Variants in CPEB3 observed in about 807,000 individuals in gnomAD.
CPEB3 encodes cytoplasmic polyadenylation element binding protein 3, also known as cytoplasmic polyadenylation element-binding protein 3.
Under a neutral mutation model 67.2 loss-of-function variants are expected in CPEB3, and 20 were observed. That is an observed-to-expected ratio of 0.30 (90% CI 0.21 to 0.43). CPEB3 has a LOEUF of 0.43. CPEB3 is among the 20% of genes least tolerant of loss of function. The pLI, the probability that CPEB3 is intolerant of heterozygous loss-of-function variation, is 1.00. For synonymous variants in CPEB3, 376 were observed against 393.1 expected (o/e 0.96, Z 0.51); for missense variants, 746 against 968.6 (o/e 0.77, Z 3.05).
chr10:92,053,489 G>A (rs529086442), intron 9 of CPEB3, among the ~76,000 whole-genome samples: 14 of 150,286 alleles, frequency 9.3e-5, no homozygotes, highest in East Asian at 3.9e-4. Flanking sequence ...TCAGCCTCGC[G>A]AGTAGCTGGG....
intron 9 of CPEB3, among the ~76,000 whole-genome samples, chr10:92,077,045 T>G (rs1438923114): frequency 6.6e-6 from 1 of 152,120 alleles, no homozygotes; most frequent in Non-Finnish European, 1.5e-5. Context: ...ATGAGACTAC[T>G]ACTAAAAACT....
At chr10:92,127,280 T>C (rs1307787491) in intron 6 of CPEB3, among the ~76,000 whole-genome samples, 1 of 151,738 alleles carries the variant, frequency 6.6e-6, no homozygotes, top group Non-Finnish European at 1.5e-5. Context: ...ACTAACTAAA[T>C]AAGTAAGTAG....
chr10:92,223,312 G>A (rs79061839), intron 2 of CPEB3, among the ~76,000 whole-genome samples: 3,538 of 152,230 alleles, frequency 0.023, 55 homozygotes, highest in Non-Finnish European at 0.036. Context: ...GCATGGGTGG[G>A]TAAGAAATGT....
intron 1 of CPEB3, among the ~76,000 whole-genome samples, chr10:92,270,738 G>A (rs545033633): frequency 1.3e-5 from 1 of 76,814 alleles, no homozygotes; most frequent in Non-Finnish European, 2.3e-5. Context: ...AATTTCTGGG[G>A]TGCTTTTTTT....
intron 6 of CPEB3, among the ~76,000 whole-genome samples, chr10:92,120,119 C>CAAGCAAAA (rs1275934165): frequency 2.4e-5 from 2 of 83,952 alleles, no homozygotes; most frequent in Admixed American, 1.3e-4. Flanking sequence ...AAAAAAAAAC[C>CAAGCAAAA]AAATTGCTAC....
chr10:92,247,132 T>G (rs1309520962), intron 1 of CPEB3, among the ~76,000 whole-genome samples: 1 of 152,122 alleles, frequency 6.6e-6, no homozygotes, highest in Non-Finnish European at 1.5e-5. Context: ...AAGAAAAAAT[T>G]ATCAGAGAAC....
At chr10:92,157,404 T>C (rs973758795) in intron 4 of CPEB3, among the ~76,000 whole-genome samples, 1 of 152,224 alleles carries the variant, frequency 6.6e-6, no homozygotes, top group Admixed American at 6.5e-5. Flanking sequence ...ACTACAGATA[T>C]GGGAAATGCT....
chr10:92,268,996 G>A (rs751602785), intron 1 of CPEB3, among the ~76,000 whole-genome samples: 8 of 152,166 alleles, frequency 5.3e-5, no homozygotes, highest in Non-Finnish European at 4.4e-5. Context: ...CTGCAATTAA[G>A]TCCTCAGTTG....
At chr10:92,192,831 T>C (rs1249453398) in intron 2 of CPEB3, among the ~76,000 whole-genome samples, 195 bp from the exon 3 acceptor site, 2 of 152,172 alleles carry the variant, frequency 1.3e-5, no homozygotes, top group Admixed American at 6.5e-5. Flanking sequence ...TTTCCCAGGC[T>C]GGTCTCGAAT....
At chr10:92,128,752 A>G (rs1016405557) in intron 6 of CPEB3, among the ~76,000 whole-genome samples, 3 of 152,244 alleles carry the variant, frequency 2.0e-5, no homozygotes, top group Non-Finnish European at 4.4e-5. Flanking sequence ...AAAGCTCAAT[A>G]TCGCTGATCA....
chr10:92,227,683 C>G (rs1461947903), intron 2 of CPEB3, among the ~76,000 whole-genome samples: 2 of 151,270 alleles, frequency 1.3e-5, no homozygotes, highest in East Asian at 2.0e-4. Context: ...CTCCGCCCCC[C>G]GGGGTTCACG....
At chr10:92,147,728 T>G (rs1050063389) in intron 4 of CPEB3, among the ~76,000 whole-genome samples, 2 of 151,868 alleles carry the variant, frequency 1.3e-5, no homozygotes, top group African/African-American at 2.4e-5. Context: ...CGGGGAGAGA[T>G]TTTTAGAGTA....
chr10:92,148,463 C>T (rs1277996486), intron 4 of CPEB3, among the ~76,000 whole-genome samples: 1 of 152,156 alleles, frequency 6.6e-6, no homozygotes. Context: ...AGGTTAGATT[C>T]CCTTTTCTAT....
At chr10:92,097,222 A>G (rs1395246455) in intron 7 of CPEB3, among the ~76,000 whole-genome samples, 1 of 152,242 alleles carries the variant, frequency 6.6e-6, no homozygotes, top group Non-Finnish European at 1.5e-5. Flanking sequence ...TTTTTAAGTG[A>G]AACTTCAATA....
At chr10:92,094,883 A>T (rs1022561566) in intron 7 of CPEB3, among the ~76,000 whole-genome samples, 1 of 151,776 alleles carries the variant, frequency 6.6e-6, no homozygotes, top group Non-Finnish European at 1.5e-5. Context: ...TTCTAATCTC[A>T]TTCCTAATAA....
chr10:92,199,799 T>G (rs1849428501), intron 2 of CPEB3, among the ~76,000 whole-genome samples: 4 of 152,128 alleles, frequency 2.6e-5, no homozygotes, highest in Non-Finnish European at 5.9e-5. Flanking sequence ...AGGTCCCTTC[T>G]GCACTATAAA....
At chr10:92,142,276 C>T (rs368692602) in intron 6 of CPEB3, among the ~76,000 whole-genome samples, 8 of 152,090 alleles carry the variant, frequency 5.3e-5, no homozygotes, top group East Asian at 1.9e-4. Flanking sequence ...CACAATAATA[C>T]GTATCAAAAA....
chr10:92,275,818 T>C lies in CPEB3; in HGVS notation c.-12+15108A>G, dbSNP rs1032031389. 7.9e-5 allele frequency among the ~76,000 whole-genome samples: 12 copies of C among 151,834 alleles called. No homozygotes were observed. The South Asian group carries it at 2.1e-3, about 26-fold the overall frequency. On this transcript the variant is annotated intron_variant, in intron 1 of 9. Transcript: ENST00000265997. The stretch of plus-strand genomic sequence containing the variant: ...ATGTTTTCAAGGTTCATCCATGTTA[T>C]AGCATGTATCAGTACTTCATTCTTT...
chr10:92,047,861 T>A lies in CPEB3; in HGVS notation c.*4351A>T, dbSNP rs1449285155. Reference sequence around the variant, plus strand: ...GCCATCAACCACTAGTAGAAACATATCATCTATCTGGATCAAGTCATTGGC... The same window carrying A: ...GCCATCAACCACTAGTAGAAACATAACATCTATCTGGATCAAGTCATTGGC... On this transcript the variant is annotated 3_prime_UTR_variant, in exon 10 of 10. Transcript: ENST00000265997. The A allele has an allele frequency of 6.6e-6, 1 of 152,208 alleles. No individual in the cohort carries two copies. The highest frequency in any genetic ancestry group is 1.5e-5 in the Non-Finnish European group (1 of 68,032). 9.4% of individuals were successfully genotyped at this position (152,208 alleles called of 1,614,324 possible). A position where few individuals can be genotyped will look rare whatever the true frequency, so the allele number is the denominator to read the frequency against.
Sources: allele counts gnomAD v4.1 joint callset (sites outside exome capture counted in the v4.1 genomes callset), GRCh38; gene constraint gnomAD v4.1.1; transcripts MANE v1.5; gene names NCBI Gene and HGNC (gene_info 2026-07-23, HGNC 2026-07-21).